MCC: variants seen among roughly 807,000 people sequenced by gnomAD.
The protein encoded by MCC is colorectal mutant cancer protein.
In MCC, 90 loss-of-function variants were observed where a neutral mutation model predicts 116.2. That is an observed-to-expected ratio of 0.77 (90% CI 0.65 to 0.92). The LOEUF is 0.92. MCC is among the 40% of genes least tolerant of loss of function. MCC has a pLI of 0.00. For synonymous variants in MCC, 578 were observed against 510.5 expected, an observed-to-expected ratio of 1.13 and a Z score of -1.78; for missense variants, 1,516 against 1,312.2, an observed-to-expected ratio of 1.16 and a Z score of -2.40.
chr5:113,227,989 G>A (rs7717906), intron 3 of MCC, among the ~76,000 whole-genome samples: 45,598 of 152,158 alleles, frequency 0.3, 12,004 homozygotes, highest in African/African-American at 0.7. Context: ...GTATTACATA[G>A]CAACAGATGA....
chr5:113,080,735 T>A (rs566771272), intron 11 of MCC, among the ~76,000 whole-genome samples: 2 of 150,214 alleles, frequency 1.3e-5, no homozygotes, highest in Non-Finnish European at 2.9e-5. Context: ...CACACCAACA[T>A]GGCACATGTA....
intron 1 of MCC, among the ~76,000 whole-genome samples, chr5:113,402,807 C>A (rs1404058315): frequency 1.3e-5 from 2 of 152,142 alleles, no homozygotes; most frequent in African/African-American, 2.4e-5. Flanking sequence ...TTGTGTCTCA[C>A]ATCCTCAAGT....
intron 1 of MCC, chr5:113,433,378 G>T (rs1770726643): frequency 4.1e-6 from 2 of 488,502 alleles, no homozygotes; most frequent in Non-Finnish European, 7.9e-6. Context: ...GATAAATGGT[G>T]CCCAAGGTGG....
At chr5:113,454,058 G>A (rs771159676) in intron 1 of MCC, among the ~76,000 whole-genome samples, 23 of 152,028 alleles carry the variant, frequency 1.5e-4, no homozygotes, top group African/African-American at 4.8e-4. Flanking sequence ...TGCGGTGGAC[G>A]GAATATCGCG....
At chr5:113,128,931 G>A (rs754987050) in intron 5 of MCC, among the ~76,000 whole-genome samples, 46 of 152,180 alleles carry the variant, frequency 3.0e-4, no homozygotes, top group Non-Finnish European at 4.6e-4. Flanking sequence ...CAAGATGTAC[G>A]TGATACCAAC....
At chr5:113,306,375 C>G (rs1477106408) in intron 3 of MCC, among the ~76,000 whole-genome samples, 3 of 152,284 alleles carry the variant, frequency 2.0e-5, no homozygotes, top group Non-Finnish European at 2.9e-5. Flanking sequence ...CACATTCCCA[C>G]TAGCCATGTA....
intron 7 of MCC, among the ~76,000 whole-genome samples, chr5:113,102,705 T>G (rs1756495693): frequency 6.6e-6 from 1 of 152,252 alleles, no homozygotes; most frequent in African/African-American, 2.4e-5. Flanking sequence ...TGCTTACTCT[T>G]ATAAACTGTT....
intron 13 of MCC, among the ~76,000 whole-genome samples, chr5:113,067,238 G>T (rs1290955027): frequency 6.6e-6 from 1 of 152,210 alleles, no homozygotes; most frequent in African/African-American, 2.4e-5. Flanking sequence ...GGAAGGACAG[G>T]CACAGGAAAG....
chr5:113,261,606 A>C (rs1267388471), intron 3 of MCC, among the ~76,000 whole-genome samples: 4 of 152,212 alleles, frequency 2.6e-5, no homozygotes, highest in Non-Finnish European at 5.9e-5. Flanking sequence ...CAGTTATGGG[A>C]AAAACTGACA....
rs779203447 is a variant in MCC at position 113,434,378 on chromosome 5, G to T, written c.171-49166C>A. The T allele has an allele frequency of 6.2e-7, 1 of 1,613,990 alleles. No individual in the cohort carries two copies. Among genetic ancestry groups the T allele is most frequent in the South Asian group, 1.1e-5 (1 of 91,054 alleles). On this transcript the variant is annotated intron_variant, in intron 1 of 18. Transcript: ENST00000408903. The surrounding 1 kb of genome is among the most constrained non-coding windows in gnomAD (Gnocchi z 4.2). ...GCAGGCAGCGCTTGGAGAAGCTGAA[G>T]TCGGACAGCTTGATGTTGAAGTCCT...
Position 113,403,009 on chromosome 5 carries a change from G to C in MCC, c.171-17797C>G, listed in dbSNP as rs1769735979. Among the ~76,000 whole-genome samples, 5 of 151,962 alleles carry C rather than the reference G, an allele frequency of 3.3e-5. No individual in the cohort carries two copies. In the South Asian group the frequency reaches 1.0e-3, roughly 32 times the overall value. Reference sequence around the variant, plus strand: ...GCTGCCAAATTGCTATAAAAGATTTGAACACTTTTATGCTTTCAGTGTTCA... The same window carrying C: ...GCTGCCAAATTGCTATAAAAGATTTCAACACTTTTATGCTTTCAGTGTTCA... On this transcript the variant is annotated intron_variant, in intron 1 of 18. Transcript: ENST00000408903.
intron 1 of MCC, among the ~76,000 whole-genome samples, chr5:113,457,388 A>T (rs1312419539): frequency 6.6e-6 from 1 of 152,220 alleles, no homozygotes; most frequent in African/African-American, 2.4e-5. Flanking sequence ...CCCGCGGAGC[A>T]GGCCTCGGGA....
intron 11 of MCC, 40 bp from the exon 12 acceptor site, chr5:113,071,274 G>T: frequency 1.3e-6 from 2 of 1,596,180 alleles, no homozygotes; most frequent in Non-Finnish European, 1.7e-6. Flanking sequence ...TAGGGTTACA[G>T]TTAATTTGCC....
chr5:113,355,794 G>A (rs914802013), intron 2 of MCC, among the ~76,000 whole-genome samples: 1 of 151,916 alleles, frequency 6.6e-6, no homozygotes, highest in South Asian at 2.1e-4. Context: ...CCTTCCAAAG[G>A]CCCCATCTCC....
intron 1 of MCC, among the ~76,000 whole-genome samples, chr5:113,393,087 T>C (rs1339266028): frequency 6.6e-6 from 1 of 152,026 alleles, no homozygotes; most frequent in Non-Finnish European, 1.5e-5. Context: ...CATAGGCAAG[T>C]AATAAAAACA....
intron 17 of MCC, among the ~76,000 whole-genome samples, chr5:113,030,340 C>T (rs1343666759): frequency 1.3e-5 from 2 of 152,062 alleles, no homozygotes; most frequent in African/African-American, 4.8e-5. Flanking sequence ...TTAATCACGG[C>T]CTACCCATGC....
intron 1 of MCC, among the ~76,000 whole-genome samples, chr5:113,455,312 T>C (rs554149012): frequency 6.6e-6 from 1 of 152,354 alleles, no homozygotes; most frequent in East Asian, 1.9e-4. Context: ...CTCATCTTCA[T>C]GTCTGTCCCT....
At chr5:113,328,950 A>T (rs139233429) in intron 3 of MCC, among the ~76,000 whole-genome samples, 1 of 152,272 alleles carries the variant, frequency 6.6e-6, no homozygotes, top group Non-Finnish European at 1.5e-5. Flanking sequence ...TGCCTGCAGC[A>T]TCCCTCCTTC....
intron 8 of MCC, among the ~76,000 whole-genome samples, chr5:113,095,989 C>T (rs1430165253): frequency 2.0e-5 from 3 of 152,188 alleles, no homozygotes; most frequent in African/African-American, 7.2e-5. Flanking sequence ...CAGGCAGTGC[C>T]TCCATGCCTT....
Sources: allele counts gnomAD v4.1 joint callset (sites outside exome capture counted in the v4.1 genomes callset), GRCh38; gene constraint gnomAD v4.1.1; non-coding constraint Gnocchi (gnomAD v3.1); transcripts MANE v1.5; gene names NCBI Gene and HGNC (gene_info 2026-07-23, HGNC 2026-07-21).